KAZN: variants seen among roughly 807,000 people sequenced by gnomAD.
The protein encoded by KAZN is kazrin, periplakin interacting protein.
Under a neutral mutation model 87.4 loss-of-function variants are expected in KAZN, and 40 were observed. The ratio of observed to expected loss-of-function variants is 0.46; its 90% CI spans 0.36 to 0.60. The LOEUF is 0.60. Among genes scored for constraint, KAZN ranks in the 20% least tolerant of loss-of-function variants. The pLI, the probability that KAZN is intolerant of heterozygous loss-of-function variation, is 0.00. For missense variants in KAZN, 898 were observed against 1,073.9 expected, an observed-to-expected ratio of 0.84 and a Z score of 2.29; for synonymous variants, 466 against 458.3, an observed-to-expected ratio of 1.02 and a Z score of -0.22.
chr1:13,964,400 C>T (rs1368283351), intron 1 of KAZN, among the ~76,000 whole-genome samples: 1 of 152,222 alleles, frequency 6.6e-6, no homozygotes, highest in African/African-American at 2.4e-5. Context: ...AGTCACACAA[C>T]CTGATGGCTT....
intron 2 of KAZN, among the ~76,000 whole-genome samples, chr1:14,329,123 C>G (rs1210107233): frequency 6.6e-6 from 1 of 152,140 alleles, no homozygotes; most frequent in African/African-American, 2.4e-5. Context: ...AGAAATCTCT[C>G]TCTCCCATTC....
At chr1:14,174,499 C>T (rs762681268) in intron 1 of KAZN, among the ~76,000 whole-genome samples, 3 of 152,124 alleles carry the variant, frequency 2.0e-5, no homozygotes, top group Non-Finnish European at 4.4e-5. Context: ...TTATACAAGG[C>T]AGGCTCTAAA....
chr1:14,410,449 G>T (rs1664216503), intron 2 of KAZN, among the ~76,000 whole-genome samples: 1 of 152,124 alleles, frequency 6.6e-6, no homozygotes, highest in Non-Finnish European at 1.5e-5. Flanking sequence ...AGAGAGGATT[G>T]GGAAGAGTTG....
At chr1:14,620,761 C>A (rs1000220815) in intron 1 of KAZN, among the ~76,000 whole-genome samples, 1 of 152,186 alleles carries the variant, frequency 6.6e-6, no homozygotes, top group African/African-American at 2.4e-5. Flanking sequence ...TGAAGTGCCT[C>A]ATCTCATTCA....
At chr1:14,527,137 T>C (rs1024894434) in intron 2 of KAZN, among the ~76,000 whole-genome samples, 3 of 152,164 alleles carry the variant, frequency 2.0e-5, no homozygotes, top group African/African-American at 4.8e-5. Context: ...TGGTCCTCAC[T>C]TGGGGTCATT....
chr1:14,972,933 C>G (rs1169291164), intron 2 of KAZN, among the ~76,000 whole-genome samples: 1 of 152,006 alleles, frequency 6.6e-6, no homozygotes, highest in Non-Finnish European at 1.5e-5. Context: ...ACTGCAGTTT[C>G]ACTCAGATTT....
intron 2 of KAZN, among the ~76,000 whole-genome samples, chr1:15,018,609 A>AAC (rs1670361030): frequency 6.6e-6 from 1 of 151,598 alleles, no homozygotes; most frequent in Non-Finnish European, 1.5e-5. Context: ...TTAAAAAAAA[A>AAC]AAAACACTCC....
chr1:14,335,521 C>G (rs1657192814), intron 2 of KAZN, among the ~76,000 whole-genome samples: 1 of 151,980 alleles, frequency 6.6e-6, no homozygotes, highest in Non-Finnish European at 1.5e-5. Context: ...CTCTTAACCT[C>G]TCTTTTGACC....
At chr1:15,107,251 G>A (rs1316154802) in intron 13 of KAZN, among the ~76,000 whole-genome samples, 3 of 152,206 alleles carry the variant, frequency 2.0e-5, no homozygotes, top group African/African-American at 7.2e-5. Flanking sequence ...ACAGAGATGG[G>A]AGAAGACCTC....
intron 1 of KAZN, among the ~76,000 whole-genome samples, chr1:13,926,590 T>A (rs1640285979): frequency 6.7e-6 from 1 of 149,914 alleles, no homozygotes; most frequent in Non-Finnish European, 1.5e-5. Flanking sequence ...CAGGTCCTTG[T>A]TATTAATGAG....
chr1:14,362,851 C>T (rs1006587787), intron 2 of KAZN, among the ~76,000 whole-genome samples: 4 of 152,122 alleles, frequency 2.6e-5, no homozygotes, highest in African/African-American at 9.7e-5. Context: ...ACTACCCTGC[C>T]AATATATATA....
chr1:14,512,258 A>G (rs1040910647), intron 2 of KAZN, among the ~76,000 whole-genome samples: 1 of 152,104 alleles, frequency 6.6e-6, no homozygotes, highest in Admixed American at 6.6e-5. Context: ...TTTATGTCTA[A>G]TTGGTAGTTG....
chr1:14,494,220 G>A lies in KAZN; in HGVS notation c.250-104763G>A, dbSNP rs747238744. 7.9e-5 allele frequency among the ~76,000 whole-genome samples: 12 copies of A among 152,168 alleles called. No homozygotes were observed. The South Asian group carries it at 1.0e-3, about 13-fold the overall frequency. ...GTCCCCATAGATGATAGAATCAAAT[G>A]GGGAAATTAGGCAATTATACAGGTA... On this transcript the variant is annotated intron_variant, in intron 2 of 16. Coordinates refer to the KAZN transcript ENST00000636203.
At chr1:14,295,428 C>A (rs545030838) in intron 2 of KAZN, among the ~76,000 whole-genome samples, 2 of 152,226 alleles carry the variant, frequency 1.3e-5, no homozygotes, top group Non-Finnish European at 2.9e-5. Context: ...GACACAGACA[C>A]AAAGAAAGAC....
intron 1 of KAZN, among the ~76,000 whole-genome samples, chr1:13,926,448 C>T (rs943378359): frequency 6.6e-6 from 1 of 152,146 alleles, no homozygotes; most frequent in African/African-American, 2.4e-5. Context: ...ACAGTCTCCA[C>T]TTGTGTTTCT....
chr1:14,172,621 C>A (rs1284917579), intron 1 of KAZN, among the ~76,000 whole-genome samples: 1 of 152,226 alleles, frequency 6.6e-6, no homozygotes, highest in Non-Finnish European at 1.5e-5. Context: ...CCTTATTATG[C>A]TCTCAGCTTT....
chr1:14,170,548 A>C (rs937527396), intron 1 of KAZN, among the ~76,000 whole-genome samples: 3 of 152,180 alleles, frequency 2.0e-5, no homozygotes, highest in African/African-American at 4.8e-5. Context: ...GTAGCTTGAA[A>C]TTTACCAGGT....
At chr1:15,074,328 C>T (rs533322033) in intron 8 of KAZN, among the ~76,000 whole-genome samples, 31 of 152,334 alleles carry the variant, frequency 2.0e-4, no homozygotes, top group Admixed American at 8.5e-4. Flanking sequence ...GGGTCTGCAG[C>T]ATCTCTGCAG....
At position 14,511,943 on chromosome 1, in the gene KAZN, A is replaced by G. The variant is rs576342733; in HGVS notation, c.250-87040A>G. Among the ~76,000 whole-genome samples the G allele has an allele frequency of 4.6e-5, 7 of 152,284 alleles. No individual in the cohort carries two copies. In the East Asian group the frequency reaches 1.4e-3, roughly 29 times the overall value. On this transcript the variant is annotated intron_variant, in intron 2 of 16. Transcript: ENST00000636203. ...ACTGAAACAAAGCTGCTTATCCACTATGCATAACTCACACGGCTGGAGGAG... is the reference window on the plus strand; with the variant it reads ...ACTGAAACAAAGCTGCTTATCCACTGTGCATAACTCACACGGCTGGAGGAG...
Sources: gnomAD v4.1 joint callset for allele counts (sites outside exome capture counted in the v4.1 genomes callset) on GRCh38, gnomAD v4.1.1 for gene constraint, MANE v1.5 for transcripts, NCBI Gene and HGNC (gene_info 2026-07-23, HGNC 2026-07-21) for gene names.